FAM76B: variants seen among roughly 807,000 people sequenced by gnomAD.
The protein encoded by FAM76B is protein FAM76B.
A neutral mutation model predicts 51.8 loss-of-function variants in FAM76B; 16 were observed. That is an observed-to-expected ratio of 0.31 (90% CI 0.21 to 0.47). The LOEUF (loss-of-function observed/expected upper bound fraction) is 0.47, where lower values mean the gene tolerates loss of function less well. Among genes scored for constraint, FAM76B ranks in the 20% least tolerant of loss-of-function variants. FAM76B has a pLI of 1.00. For missense variants in FAM76B, 342 were observed against 392.6 expected, an observed-to-expected ratio of 0.87 and a Z score of 1.09; for synonymous variants, 166 against 129.5, an observed-to-expected ratio of 1.28 and a Z score of -1.91.
chr11:95,773,214 T>G (rs781723823), intron 9 of FAM76B, among the ~76,000 whole-genome samples: 1 of 151,084 alleles, frequency 6.6e-6, no homozygotes, highest in Admixed American at 6.6e-5. Flanking sequence ...TCAAAGCAAT[T>G]TTTCCATTTA....
intron 5 of FAM76B, among the ~76,000 whole-genome samples, chr11:95,781,267 AACC>A (rs1860252631): frequency 1.3e-5 from 2 of 152,124 alleles, no homozygotes; most frequent in Non-Finnish European, 2.9e-5. Context: ...GCCACCTGGC[AACC>A]ACATCCCCTA....
intron 4 of FAM76B, among the ~76,000 whole-genome samples, chr11:95,784,362 A>T (rs757379670): frequency 6.6e-6 from 1 of 152,072 alleles, no homozygotes; most frequent in Non-Finnish European, 1.5e-5. Flanking sequence ...TGGGTGATGA[A>T]ATAATCTGTG....
intron 6 of FAM76B, 72 bp from the exon 7 acceptor site, chr11:95,779,759 TC>T: frequency 6.4e-7 from 1 of 1,567,956 alleles, no homozygotes; most frequent in Non-Finnish European, 8.7e-7. Context: ...TTATTCATCT[TC>T]CCCTAAAATA....
chr11:95,770,776 G>A lies in FAM76B; in HGVS notation c.*785C>T, dbSNP rs1859731713. On this transcript the variant is annotated 3_prime_UTR_variant, in exon 10 of 10. Coordinates refer to ENST00000358780, the MANE Select transcript of FAM76B (RefSeq NM_144664.5). ...TGATTTCCTTTTGAAATAGGCTTCT[G>A]TACATATGCATTTATATACAAACAT... is the stretch of plus-strand genomic sequence containing the variant. 6.6e-6 allele frequency: 1 copy of A among 151,618 alleles called. No homozygotes were observed. Among genetic ancestry groups the A allele is most frequent in the African/African-American group, 2.4e-5 (1 of 41,314 alleles). 9.4% of individuals were successfully genotyped at this position (151,618 alleles called of 1,614,324 possible).
chr11:95,769,846 A>G lies in FAM76B; in HGVS notation c.*1715T>C, dbSNP rs1433108196. 1 of 151,614 alleles carries G rather than the reference A, an allele frequency of 6.6e-6. No individual in the cohort carries two copies. The highest frequency in any genetic ancestry group is 2.4e-5 in the African/African-American group (1 of 41,384). 9.4% of individuals were successfully genotyped at this position (151,614 alleles called of 1,614,324 possible). ...CAAGATTCTAACTGAATCTTTTTGT[A>G]TCACTTGAAAATTACCCTATATTAT... On this transcript the variant is annotated 3_prime_UTR_variant, in exon 10 of 10. Transcript: ENST00000358780.
intron 4 of FAM76B, among the ~76,000 whole-genome samples, chr11:95,785,169 ATTATTT>A (rs1860494947): frequency 6.6e-6 from 1 of 152,144 alleles, no homozygotes; most frequent in Admixed American, 6.5e-5. Flanking sequence ...CTATTTTGTT[ATTATTT>A]TTATTAGTCT....
intron 7 of FAM76B, chr11:95,779,201 G>T: frequency 6.8e-7 from 1 of 1,460,970 alleles, no homozygotes; most frequent in Non-Finnish European, 9.3e-7. Context: ...GCAATAGGCA[G>T]CCAATTTGTA....
chr11:95,776,106 C>T, intron 8 of FAM76B, 83 bp from the exon 9 acceptor site: 1 of 694,440 alleles, frequency 1.4e-6, no homozygotes. Flanking sequence ...ACAATAAACT[C>T]ACATTTCATT....
rs534773507 is a variant in FAM76B at position 95,780,697 on chromosome 11, G to A, written c.564-771C>T. 3.3e-5 allele frequency among the ~76,000 whole-genome samples: 5 copies of A among 151,936 alleles called. 1 individual carries two copies. The highest frequency in any genetic ancestry group is 7.2e-5 in the African/African-American group (3 of 41,476). On this transcript the variant is annotated intron_variant, in intron 5 of 9. Coordinates refer to ENST00000358780, the MANE Select transcript of FAM76B (RefSeq NM_144664.5). ...GCATCTCCTATGAACCAGATGCCACGTATTTATACGATTTAGAAGATGTTA... is the reference window on the plus strand; with the variant it reads ...GCATCTCCTATGAACCAGATGCCACATATTTATACGATTTAGAAGATGTTA...
intron 9 of FAM76B, among the ~76,000 whole-genome samples, chr11:95,774,126 A>C (rs889216376): frequency 1.6e-4 from 24 of 151,462 alleles, no homozygotes; most frequent in African/African-American, 5.8e-4. Flanking sequence ...GGAAGGATGA[A>C]ATAGAAAACC....
chr11:95,775,148 A>T (rs1402156399), intron 9 of FAM76B, among the ~76,000 whole-genome samples: 1 of 151,466 alleles, frequency 6.6e-6, no homozygotes, highest in Non-Finnish European at 1.5e-5. Flanking sequence ...CTAAAGACTA[A>T]TTTTACAAAT....
intron 5 of FAM76B, 64 bp from the exon 6 acceptor site, chr11:95,779,990 ATTCT>A (rs565300373): frequency 3.0e-5 from 42 of 1,423,252 alleles, no homozygotes; most frequent in Non-Finnish European, 3.8e-5. Context: ...TAAATTTAAC[ATTCT>A]TTCTCAATGG....
chr11:95,774,224 GCTTA>G (rs1183958499), intron 9 of FAM76B, among the ~76,000 whole-genome samples: 1 of 151,334 alleles, frequency 6.6e-6, no homozygotes, highest in African/African-American at 2.4e-5. Flanking sequence ...CTACGTCACC[GCTTA>G]CTGTGTGATC....
At chr11:95,784,987 G>T (rs1860484062) in intron 4 of FAM76B, among the ~76,000 whole-genome samples, 1 of 152,102 alleles carries the variant, frequency 6.6e-6, no homozygotes, top group Non-Finnish European at 1.5e-5. Context: ...CTGGAAATGT[G>T]AACTTAATCC....
chr11:95,783,007 A>C, intron 5 of FAM76B, 58 bp downstream of exon 5: 1 of 1,594,554 alleles, frequency 6.3e-7, no homozygotes, highest in East Asian at 2.2e-5. Flanking sequence ...GTAAACATCA[A>C]TAAATGGCAT....
intron 8 of FAM76B, among the ~76,000 whole-genome samples, chr11:95,777,922 A>AC (rs779792704): frequency 1.3e-5 from 2 of 151,472 alleles, no homozygotes; most frequent in Non-Finnish European, 3.0e-5. Flanking sequence ...GGACCATAAA[A>AC]CAAGTACAAA....
Position 95,779,608 on chromosome 11 carries a change from T to G in FAM76B, c.691A>C (p.Ser231Arg). 1 of 1,603,660 alleles carries G rather than the reference T, an allele frequency of 6.2e-7. No individual in the cohort carries two copies. Among genetic ancestry groups the G allele is most frequent in the Non-Finnish European group, 8.5e-7 (1 of 1,175,568 alleles). The change falls in exon 7 of 10, where the codon AGT (serine) becomes CGT (arginine). Residue 231 changes from serine to arginine, a missense_variant and splice_region_variant. This residue lies in a region of FAM76B where 230 missense variants were observed against 257.4 expected (regional missense o/e 0.89). Coordinates refer to ENST00000358780, the MANE Select transcript of FAM76B (RefSeq NM_144664.5). The part of the protein sequence containing the change: ...KLESKPSNGD[S>R]SSINQSADSG... ...AACACTAAAAGAATTCATTTTTACC[T>G]ATCTCCATTAGATGGCTTAGATTCC...
At chr11:95,788,668 T>C in intron 1 of FAM76B, 105 bp from the exon 2 acceptor site, 1 of 1,298,620 alleles carries the variant, frequency 7.7e-7, no homozygotes, top group Non-Finnish European at 1.1e-6. Context: ...AAAACATTTA[T>C]AAAACCTGGC....
chr11:95,776,272 A>AACATGGCTCG (rs1357694792), intron 8 of FAM76B, among the ~76,000 whole-genome samples: 13 of 151,406 alleles, frequency 8.6e-5, no homozygotes. Context: ...TTTTTTCCTA[A>AACATGGCTCG]ACATGGCTCG....
Sources: gnomAD v4.1 joint callset for allele counts (sites outside exome capture counted in the v4.1 genomes callset) on GRCh38, gnomAD v4.1.1 for gene constraint, gnomAD v4.1.1 regional missense constraint, MANE v1.5 for transcripts, NCBI Gene and HGNC (gene_info 2026-07-23, HGNC 2026-07-21) for gene names.